DYNC1I1: variants seen among roughly 807,000 people sequenced by gnomAD.
DYNC1I1 encodes cytoplasmic dynein 1 intermediate chain 1.
In DYNC1I1, 43 loss-of-function variants were observed where a neutral mutation model predicts 86.6. The ratio of observed to expected loss-of-function variants is 0.50; its 90% CI spans 0.39 to 0.64. The LOEUF (loss-of-function observed/expected upper bound fraction) is 0.64, where lower values mean the gene tolerates loss of function less well. Among genes scored for constraint, DYNC1I1 ranks in the 30% least tolerant of loss-of-function variants. DYNC1I1 has a pLI of 0.00. For missense variants in DYNC1I1, 604 were observed against 788.8 expected (o/e 0.77, Z 2.81); for synonymous variants, 262 against 283.7 (o/e 0.92, Z 0.77).
intron 5 of DYNC1I1, among the ~76,000 whole-genome samples, chr7:95,833,730 C>A (rs907357048): frequency 3.5e-5 from 5 of 144,350 alleles, no homozygotes; most frequent in African/African-American, 1.3e-4. Flanking sequence ...CTCTTTGAAG[C>A]AATTGTGAAT....
intron 4 of DYNC1I1, among the ~76,000 whole-genome samples, chr7:95,824,857 C>T (rs145951946): frequency 2.5e-4 from 38 of 152,292 alleles, no homozygotes; most frequent in African/African-American, 8.2e-4. Flanking sequence ...AGGAATTCGG[C>T]GAATGTTTAA....
chr7:95,968,824 C>CTGTGTG (rs56022930), intron 6 of DYNC1I1, among the ~76,000 whole-genome samples: 3,924 of 94,264 alleles, frequency 0.042, 89 homozygotes, highest in Non-Finnish European at 0.06. Flanking sequence ...ATTTTTTGCT[C>CTGTGTG]TGTGTGTGTG....
intron 5 of DYNC1I1, among the ~76,000 whole-genome samples, chr7:95,832,488 A>G (rs1332827731): frequency 6.6e-6 from 1 of 151,900 alleles, no homozygotes; most frequent in African/African-American, 2.4e-5. Flanking sequence ...ATACCCAGTA[A>G]TGGGATGGCT....
intron 11 of DYNC1I1, among the ~76,000 whole-genome samples, chr7:96,029,626 A>T (rs1794760790): frequency 6.6e-6 from 1 of 152,186 alleles, no homozygotes; most frequent in Non-Finnish European, 1.5e-5. Context: ...CTGTTAGAAA[A>T]TAAAATAGGC....
intron 6 of DYNC1I1, among the ~76,000 whole-genome samples, chr7:95,943,483 A>G (rs1792299435): frequency 7.0e-6 from 1 of 143,592 alleles, no homozygotes; most frequent in Admixed American, 7.3e-5. Context: ...CATCCCCATC[A>G]AGCTACCAAT....
chr7:96,057,307 C>G (rs1444455267), intron 14 of DYNC1I1, among the ~76,000 whole-genome samples: 2 of 152,072 alleles, frequency 1.3e-5, no homozygotes, highest in African/African-American at 4.8e-5. Context: ...TTTTCTACGT[C>G]TGAGTCCTAA....
At chr7:95,972,855 G>T (rs1793211098) in intron 6 of DYNC1I1, among the ~76,000 whole-genome samples, 1 of 152,148 alleles carries the variant, frequency 6.6e-6, no homozygotes, top group Non-Finnish European at 1.5e-5. Flanking sequence ...AAAATCTTAA[G>T]GGAGGAAGAC....
intron 16 of DYNC1I1, among the ~76,000 whole-genome samples, chr7:96,091,309 T>G (rs542021726): frequency 6.6e-6 from 1 of 152,328 alleles, no homozygotes; most frequent in South Asian, 2.1e-4. Context: ...AAACTTTAAT[T>G]TTTAGATTAA....
intron 6 of DYNC1I1, among the ~76,000 whole-genome samples, chr7:95,918,054 T>C (rs187213880): frequency 1.3e-5 from 2 of 152,318 alleles, no homozygotes; most frequent in East Asian, 3.9e-4. Context: ...TCTATTTGAG[T>C]ATCTAAAGTA....
chr7:95,871,192 G>C (rs1044417758), intron 6 of DYNC1I1, among the ~76,000 whole-genome samples: 1 of 152,210 alleles, frequency 6.6e-6, no homozygotes, highest in Non-Finnish European at 1.5e-5. Context: ...TATACAAGCT[G>C]TTGTGGGGAC....
chr7:96,031,799 C>T (rs1370238443), intron 11 of DYNC1I1, among the ~76,000 whole-genome samples: 6 of 152,200 alleles, frequency 3.9e-5, no homozygotes, highest in African/African-American at 1.2e-4. Flanking sequence ...CCACTGGTGG[C>T]TGAACTGCCT....
intron 6 of DYNC1I1, among the ~76,000 whole-genome samples, chr7:95,922,585 C>T (rs778335644): frequency 1.3e-5 from 2 of 152,018 alleles, no homozygotes; most frequent in East Asian, 1.9e-4. Context: ...CAGACTTCCC[C>T]ACACTTTTAT....
At chr7:96,085,984 C>A (rs534282483) in intron 16 of DYNC1I1, among the ~76,000 whole-genome samples, 1 of 152,028 alleles carries the variant, frequency 6.6e-6, no homozygotes, top group Non-Finnish European at 1.5e-5. Flanking sequence ...AAAATAAAAA[C>A]GACTCATTGC....
chr7:95,878,297 T>G (rs1790361362), intron 6 of DYNC1I1, among the ~76,000 whole-genome samples: 1 of 151,330 alleles, frequency 6.6e-6, no homozygotes. Context: ...TTCAAAGAAC[T>G]AAAAGAAACC....
At chr7:95,797,951 T>C (rs1445780509) in intron 1 of DYNC1I1, among the ~76,000 whole-genome samples, 1 of 152,192 alleles carries the variant, frequency 6.6e-6, no homozygotes, top group South Asian at 2.1e-4. Flanking sequence ...CTTACTTTTT[T>C]TTTGGTCTTG....
intron 10 of DYNC1I1, among the ~76,000 whole-genome samples, chr7:96,010,294 G>A (rs1008132486): frequency 2.6e-5 from 4 of 152,108 alleles, no homozygotes; most frequent in African/African-American, 7.2e-5. Context: ...GAGTGGAGGC[G>A]GGAATGGTTA....
At chr7:95,816,369 G>A (rs1421098246) in intron 4 of DYNC1I1, among the ~76,000 whole-genome samples, 2 of 152,150 alleles carry the variant, frequency 1.3e-5, no homozygotes, top group African/African-American at 2.4e-5. Flanking sequence ...TAAAAAATGG[G>A]TAGAGAGTAG....
chr7:95,786,525 A>G (rs11975620), intron 1 of DYNC1I1, among the ~76,000 whole-genome samples: 26,182 of 152,192 alleles, frequency 0.17, 2,292 homozygotes, highest in Non-Finnish European at 0.18. Context: ...TGTAAGTCCC[A>G]CAGTACCCAG....
At chr7:95,968,748 C>A (rs1251568848) in intron 6 of DYNC1I1, among the ~76,000 whole-genome samples, 2 of 151,966 alleles carry the variant, frequency 1.3e-5, no homozygotes, top group African/African-American at 4.8e-5. Flanking sequence ...GGATTTGAGT[C>A]TGAAAAACAG....
Sources: allele counts gnomAD v4.1 joint callset (sites outside exome capture counted in the v4.1 genomes callset), GRCh38; gene constraint gnomAD v4.1.1; transcripts MANE v1.5; gene names NCBI Gene and HGNC (gene_info 2026-07-23, HGNC 2026-07-21).